Variants in TPO observed in about 807,000 individuals in gnomAD.
The protein encoded by TPO is thyroid microsomal antigen.
TPO carries 78 observed loss-of-function variants against 96.9 expected under a neutral mutation model. The observed-to-expected ratio is 0.81, with a 90% CI of 0.67 to 0.97. The LOEUF (loss-of-function observed/expected upper bound fraction) is 0.97, where lower values mean the gene tolerates loss of function less well. Among genes scored for constraint, TPO ranks in the 50% least tolerant of loss-of-function variants. The pLI is 0.00. For missense variants in TPO, 1,252 were observed against 1,274.8 expected (o/e 0.98, Z 0.27); for synonymous variants, 547 against 538.0 (o/e 1.02, Z -0.23).
At chr2:1,423,456 G>A (rs1218356631) in intron 3 of TPO, among the ~76,000 whole-genome samples, 15 of 152,182 alleles carry the variant, frequency 9.9e-5, no homozygotes, top group Non-Finnish European at 1.5e-5. Flanking sequence ...GAGGAAAAGA[G>A]AGACCTAGAT....
chr2:1,481,137 G>A (rs1370815329), intron 8 of TPO, among the ~76,000 whole-genome samples: 1 of 152,160 alleles, frequency 6.6e-6, no homozygotes, highest in Non-Finnish European at 1.5e-5. Context: ...CTTCCCACCA[G>A]GAGGAACTGA....
At chr2:1,485,267 G>T (rs1671048098) in intron 9 of TPO, among the ~76,000 whole-genome samples, 1 of 152,130 alleles carries the variant, frequency 6.6e-6, no homozygotes, top group Non-Finnish European at 1.5e-5. Context: ...AGTATTCCTT[G>T]GTGTATATGT....
At chr2:1,478,819 G>A (rs1015987510) in intron 8 of TPO, among the ~76,000 whole-genome samples, 3 of 149,536 alleles carry the variant, frequency 2.0e-5, no homozygotes, top group Non-Finnish European at 4.4e-5. Context: ...CAGGAAACAC[G>A]GCAGACGGGC....
intron 15 of TPO, among the ~76,000 whole-genome samples, chr2:1,522,083 C>T (rs958855562): frequency 4.0e-5 from 6 of 151,532 alleles, no homozygotes; most frequent in East Asian, 3.9e-4. Context: ...TACTCCACAC[C>T]GGCCCTGCCA....
At chr2:1,540,787 C>T (rs780904681) in intron 16 of TPO, 64 bp downstream of exon 16, 9 of 1,612,442 alleles carry the variant, frequency 5.6e-6, no homozygotes, top group East Asian at 2.2e-5. Context: ...ATCTGGGTGT[C>T]GGAGCAGCTC....
chr2:1,538,162 A>G (rs73909625), intron 15 of TPO, among the ~76,000 whole-genome samples: 18,263 of 146,260 alleles, frequency 0.12, 1,295 homozygotes, highest in Non-Finnish European at 0.14. Flanking sequence ...ACTGTGTACA[A>G]CCTCCTCAAA....
intron 5 of TPO, among the ~76,000 whole-genome samples, chr2:1,449,263 C>A (rs892407296): frequency 1.3e-5 from 2 of 152,190 alleles, no homozygotes; most frequent in Non-Finnish European, 2.9e-5. Context: ...AGTATAAATT[C>A]AATGTTGCAT....
At chr2:1,448,991 G>A (rs933935838) in intron 5 of TPO, among the ~76,000 whole-genome samples, 2 of 152,118 alleles carry the variant, frequency 1.3e-5, no homozygotes, top group Non-Finnish European at 1.5e-5. Context: ...TGCAGGAAGC[G>A]ATCCCACCAG....
chr2:1,525,608 C>CA, intron 15 of TPO, among the ~76,000 whole-genome samples: 1 of 102,214 alleles, frequency 9.8e-6, no homozygotes, highest in Non-Finnish European at 1.9e-5. Flanking sequence ...CACAAATCCC[C>CA]CCACTGTGTG....
At chr2:1,507,311 G>C (rs1673574893) in intron 14 of TPO, among the ~76,000 whole-genome samples, 1 of 152,200 alleles carries the variant, frequency 6.6e-6, no homozygotes, top group South Asian at 2.1e-4. Flanking sequence ...TTGAAGTCAG[G>C]TAGTGTGGTG....
chr2:1,469,747 T>TG (rs1271605280), intron 7 of TPO, among the ~76,000 whole-genome samples: 1 of 152,162 alleles, frequency 6.6e-6, no homozygotes, highest in Non-Finnish European at 1.5e-5. Flanking sequence ...GGTTCCGCAG[T>TG]GGGGGTGCAT....
In TPO at chr2:1,504,029, GTC is replaced by G; in HGVS notation, c.2472_2473del (p.Cys825ArgfsTer54). 3.1e-6 allele frequency: 5 copies of G among 1,614,240 alleles called. No individual in the cohort carries two copies. The highest frequency in any genetic ancestry group is 2.2e-5 in the East Asian group (1 of 44,872). The stretch of plus-strand genomic sequence containing the variant: ...AGAAACACCAAAGGCGGCTTCCAGT[GTC>G]TCTGCGCGGACCCCTACGAGTTAGG... On this transcript the variant is annotated frameshift_variant, in exon 14 of 17. Transcript: ENST00000329066. LOFTEE classifies it high-confidence loss of function.
Position 1,403,641 on chromosome 2 carries a change from A to G in TPO, n.180+29239A>G, listed in dbSNP as rs13390616. Among the ~76,000 whole-genome samples, 665 of 152,266 alleles carry G rather than the reference A, an allele frequency of 4.4e-3. 3 individuals are homozygous for G. Among genetic ancestry groups the G allele is most frequent in the African/African-American group, 0.015 (635 of 41,572 alleles). On this transcript the variant is annotated intron_variant and non_coding_transcript_variant, in intron 1 of 5. Coordinates refer to the TPO transcript ENST00000497517. ...CTGTGGCTGCAGCTGCCCCCTTACC[A>G]TGTGAACTTCAGGACGCTTCTCTGT...
chr2:1,531,989 C>T (rs113156044), intron 15 of TPO, among the ~76,000 whole-genome samples: 1,358 of 96,210 alleles, frequency 0.014, 139 homozygotes, highest in South Asian at 0.057. Context: ...TGTGTGCAAC[C>T]TCCCAAAATC....
intron 1 of TPO, among the ~76,000 whole-genome samples, chr2:1,400,374 T>A (rs908582027): frequency 6.6e-6 from 1 of 152,070 alleles, no homozygotes; most frequent in Admixed American, 6.6e-5. Flanking sequence ...GTGCCTGTAA[T>A]CCCAGCTGCT....
intron 13 of TPO, among the ~76,000 whole-genome samples, chr2:1,502,426 G>A (rs1374797403): frequency 2.0e-5 from 3 of 152,134 alleles, no homozygotes; most frequent in African/African-American, 4.8e-5. Context: ...GTCTCACTCT[G>A]TCACCCAGGC....
intron 8 of TPO, among the ~76,000 whole-genome samples, chr2:1,479,686 A>G (rs1285886027): frequency 2.0e-5 from 3 of 152,158 alleles, no homozygotes; most frequent in Non-Finnish European, 2.9e-5. Flanking sequence ...TGAGAATCCT[A>G]CTGACCTAGA....
chr2:1,540,782 G>C (rs754528694), intron 16 of TPO, 59 bp downstream of exon 16: 1 of 1,612,910 alleles, frequency 6.2e-7, no homozygotes, highest in Non-Finnish European at 8.5e-7. Flanking sequence ...ACAGGATCTG[G>C]GTGTCGGAGC....
intron 13 of TPO, among the ~76,000 whole-genome samples, chr2:1,497,140 T>C (rs960412193): frequency 6.6e-6 from 1 of 152,174 alleles, no homozygotes; most frequent in Non-Finnish European, 1.5e-5. Flanking sequence ...CGCCTCCACC[T>C]CCACCTCCTA....
Sources: gnomAD v4.1 joint callset for allele counts (sites outside exome capture counted in the v4.1 genomes callset) on GRCh38, gnomAD v4.1.1 for gene constraint, MANE v1.5 for transcripts, NCBI Gene and HGNC (gene_info 2026-07-23, HGNC 2026-07-21) for gene names.